ARK2N: variants seen among roughly 807,000 people sequenced by gnomAD.
ARK2N encodes the protein arkadia (RNF111) N-terminal like PKA signaling regulator 2N, also known as protein ARK2N.
the ARK2N span, among the ~76,000 whole-genome samples, chr18:46,223,578 A>G: frequency 6.9e-4 from 105 of 152,356 alleles, no homozygotes; most frequent in South Asian, 3.9e-3. Context: ...ACTATGTGAT[A>G]AAGCAAACCA....
At chr18:46,264,985 C>T in the ARK2N span, 1 of 152,576 alleles carries the variant, frequency 6.6e-6, no homozygotes, top group African/African-American at 2.4e-5. Flanking sequence ...ATATCAGTCT[C>T]TCACATGGCC....
chr18:46,204,941 AT>A, the ARK2N span, among the ~76,000 whole-genome samples: 2 of 81,466 alleles, frequency 2.5e-5, 1 homozygote, highest in South Asian at 7.5e-4. Flanking sequence ...TTTTTTTTTT[AT>A]TTTTTTTATT....
chr18:46,205,969 A>G, the ARK2N span, among the ~76,000 whole-genome samples: 3 of 151,342 alleles, frequency 2.0e-5, no homozygotes, highest in Admixed American at 6.6e-5. Context: ...GACTGAAGCT[A>G]CCCTCCCACC....
the ARK2N span, among the ~76,000 whole-genome samples, chr18:46,186,833 C>A: frequency 6.7e-6 from 1 of 148,328 alleles, no homozygotes; most frequent in Non-Finnish European, 1.5e-5. Flanking sequence ...AACCTTACTC[C>A]CAACTATTAA....
chr18:46,216,563 G>A, the ARK2N span: 3 of 1,613,616 alleles, frequency 1.9e-6, no homozygotes, highest in African/African-American at 4.0e-5. The surrounding 1 kb of genome is among the most constrained non-coding windows in gnomAD (Gnocchi z 4.3). Context: ...GAGGTTTCAG[G>A]GAGCAGCAAG....
chr18:46,216,847 A>G, the ARK2N span: 15 of 412,018 alleles, frequency 3.6e-5, no homozygotes, highest in Non-Finnish European at 6.2e-5. The surrounding 1 kb of genome is among the most constrained non-coding windows in gnomAD (Gnocchi z 4.3). Flanking sequence ...TAAGTAATGG[A>G]ATTTCTCATA....
At chr18:46,221,127 C>T in the ARK2N span, among the ~76,000 whole-genome samples, 11 of 152,038 alleles carry the variant, frequency 7.2e-5, no homozygotes, top group Non-Finnish European at 1.2e-4. Flanking sequence ...CAGAGCGAGA[C>T]TCTGTCTCAA....
At chr18:46,180,491 G>A in the ARK2N span, among the ~76,000 whole-genome samples, 2 of 152,216 alleles carry the variant, frequency 1.3e-5, no homozygotes, top group East Asian at 3.9e-4. Context: ...CGGATCACCT[G>A]AAGTTCGGAG....
the ARK2N span, chr18:46,216,651 C>A: frequency 6.9e-7 from 1 of 1,447,446 alleles, no homozygotes; most frequent in Non-Finnish European, 9.3e-7. The surrounding 1 kb of genome is among the most constrained non-coding windows in gnomAD (Gnocchi z 4.3). Context: ...TCTCAGCTAT[C>A]AGGTTCAGTT....
At chr18:46,207,310 GT>G in the ARK2N span, among the ~76,000 whole-genome samples, 1 of 151,626 alleles carries the variant, frequency 6.6e-6, no homozygotes, top group Non-Finnish European at 1.5e-5. Context: ...TGATTACTAG[GT>G]AGCTGAAGTA....
chr18:46,257,128 T>C, the ARK2N span, among the ~76,000 whole-genome samples: 1 of 152,210 alleles, frequency 6.6e-6, no homozygotes, highest in Non-Finnish European at 1.5e-5. Flanking sequence ...GATTTAGTTG[T>C]CCTGTTCTTA....
chr18:46,180,866 G>T, the ARK2N span, among the ~76,000 whole-genome samples: 1 of 152,224 alleles, frequency 6.6e-6, no homozygotes, highest in African/African-American at 2.4e-5. Context: ...AACAACTGTA[G>T]TATGGAACTA....
At chr18:46,199,303 T>G in the ARK2N span, among the ~76,000 whole-genome samples, 4 of 152,016 alleles carry the variant, frequency 2.6e-5, no homozygotes, top group Non-Finnish European at 4.4e-5. Context: ...TTCTTTTTAA[T>G]TTTTAAAAAT....
the ARK2N span, among the ~76,000 whole-genome samples, chr18:46,230,447 A>G: frequency 1.3e-5 from 2 of 152,122 alleles, no homozygotes; most frequent in Non-Finnish European, 2.9e-5. Context: ...ATTTTCCTAG[A>G]ATTTTAAGAA....
the ARK2N span, among the ~76,000 whole-genome samples, chr18:46,181,503 A>C: frequency 6.6e-6 from 1 of 152,026 alleles, no homozygotes; most frequent in African/African-American, 2.4e-5. Context: ...TCATGAGGTC[A>C]GGAGATCGAG....
the ARK2N span, among the ~76,000 whole-genome samples, chr18:46,208,654 G>C: frequency 6.6e-6 from 1 of 151,812 alleles, no homozygotes; most frequent in Non-Finnish European, 1.5e-5. Context: ...GTTTTTAGTA[G>C]AGACGGGGTT....
chr18:46,259,020 TAAA>T, the ARK2N span, among the ~76,000 whole-genome samples: 1,024 of 150,892 alleles, frequency 6.8e-3, 17 homozygotes, highest in African/African-American at 0.024. Context: ...CCTCTGTAGT[TAAA>T]AAAAAATGTG....
the ARK2N span, among the ~76,000 whole-genome samples, chr18:46,230,338 A>G: frequency 6.6e-6 from 1 of 152,234 alleles, no homozygotes; most frequent in Non-Finnish European, 1.5e-5. Flanking sequence ...TAATAATAGT[A>G]ATAAGTGGGA....
chr18:46,237,125 A>G, the ARK2N span, among the ~76,000 whole-genome samples: 9 of 151,792 alleles, frequency 5.9e-5, no homozygotes, highest in African/African-American at 2.2e-4. Context: ...AGCCTCCCAA[A>G]GTGCTGGGGT....
Sources: allele counts gnomAD v4.1 joint callset (sites outside exome capture counted in the v4.1 genomes callset), GRCh38; gene constraint gnomAD v4.1.1; non-coding constraint Gnocchi (gnomAD v3.1); transcripts MANE v1.5; gene names NCBI Gene and HGNC (gene_info 2026-07-23, HGNC 2026-07-21).